Variants in ZNF676 observed in about 807,000 individuals in gnomAD.
ZNF676 encodes zinc finger protein 676.
In ZNF676, 4 loss-of-function variants were observed where a neutral mutation model predicts 6.0. That is an observed-to-expected ratio of 0.67 (90% CI 0.33 to 1.53). The LOEUF (loss-of-function observed/expected upper bound fraction) is 1.53. Ranked by LOEUF, ZNF676 falls within the 40% of genes most tolerant of loss-of-function variation. The pLI is 0.06. For missense variants in ZNF676, 644 were observed against 679.7 expected (o/e 0.95, Z 0.58); for synonymous variants, 198 against 223.1 (o/e 0.89, Z 1.00).
intron 2 of ZNF676, among the ~76,000 whole-genome samples, chr19:22,186,412 C>G (rs1396306634): frequency 6.6e-6 from 1 of 152,184 alleles, no homozygotes; most frequent in Non-Finnish European, 1.5e-5. Flanking sequence ...ACTGGTAAAC[C>G]AGCCACTGCA....
chr19:22,235,015 AGAAAGAAAGAAAG>A, the ZNF676 span, among the ~76,000 whole-genome samples: 5 of 88,448 alleles, frequency 5.7e-5, 1 homozygote, highest in South Asian at 2.0e-3. Flanking sequence ...AAAGAAAGAA[AGAAAGAAAGAAAG>A]AAAGAAAAGA....
At chr19:22,191,481 C>A (rs774056641) in intron 2 of ZNF676, among the ~76,000 whole-genome samples, 7 of 152,142 alleles carry the variant, frequency 4.6e-5, no homozygotes, top group Non-Finnish European at 8.8e-5. Context: ...GTCCCAATAG[C>A]AGTTCCATGA....
Position 22,180,472 on chromosome 19 carries a change from A to G in ZNF676, c.1245T>C (p.His415=), listed in dbSNP as rs201257480. ...CACACTTGTAGGGTTTCTCTCCAGT[A>G]TGAATTCTCTTATGTTCCATGAGCT... ...SSKLMEHKRI[H]TGEKPYKCEE... is the part of the protein sequence containing the mutation. Residue 415 remains histidine (H), a synonymous_variant, in exon 3 of 3, where the codon CAT becomes CAC. Transcript: ENST00000397121. 8 of 1,606,850 alleles carry G rather than the reference A, an allele frequency of 5.0e-6. No homozygotes were observed. The highest frequency in any genetic ancestry group is 5.9e-6 in the Non-Finnish European group (7 of 1,177,716).
chr19:22,195,627 T>C (rs1452431159), intron 1 of ZNF676, among the ~76,000 whole-genome samples: 2 of 152,202 alleles, frequency 1.3e-5, no homozygotes, highest in Admixed American at 6.5e-5. Flanking sequence ...AAATTAACAC[T>C]GAGTTATAAA....
At position 22,180,332 on chromosome 19, in the gene ZNF676, G is replaced by A; in HGVS notation, c.1385C>T (p.Ser462Leu). 4 of 1,613,994 alleles carry A rather than the reference G, an allele frequency of 2.5e-6. No homozygotes were observed. The South Asian group carries it at 3.3e-5, about 13-fold the overall frequency. Reference protein sequence around the residue: ...EECGKAFTWSSSFTKHKRIHA... With the variant: ...EECGKAFTWSLSFTKHKRIHA... ...AATTCTCTTGTGTTTAGTAAAGCTTGAGGACCAGGTGAAGGCTTTGCCACA... is the reference window on the plus strand; with the variant it reads ...AATTCTCTTGTGTTTAGTAAAGCTTAAGGACCAGGTGAAGGCTTTGCCACA... The change falls in exon 3 of 3, where the codon TCA becomes TTA. Residue 462 changes from serine (S) to leucine (L), a missense_variant. Around this residue, in one of 5 missense-constraint regions of ZNF676, gnomAD observed 306 missense variants for 265.4 expected, o/e 1.15. Coordinates refer to ENST00000397121, the MANE Select transcript of ZNF676 (RefSeq NM_001001411.3).
the ZNF676 span, among the ~76,000 whole-genome samples, chr19:22,235,117 A>AAAGC: frequency 4.2e-5 from 4 of 96,236 alleles, no homozygotes; most frequent in Non-Finnish European, 6.2e-5. Flanking sequence ...GGAAGGCAGG[A>AAAGC]AGGCAGGAAG....
At chr19:22,255,016 C>T in the ZNF676 span, among the ~76,000 whole-genome samples, 11 of 152,300 alleles carry the variant, frequency 7.2e-5, no homozygotes, top group Middle Eastern at 3.4e-3. Context: ...TGATCTGGTT[C>T]AAGGTACGAG....
chr19:22,257,427 G>A, the ZNF676 span, among the ~76,000 whole-genome samples: 2 of 152,188 alleles, frequency 1.3e-5, no homozygotes, highest in Non-Finnish European at 2.9e-5. Flanking sequence ...AGGTAAAAGA[G>A]GTGAGTCACA....
the ZNF676 span, among the ~76,000 whole-genome samples, chr19:22,236,302 G>A: frequency 2.0e-5 from 3 of 152,048 alleles, no homozygotes; most frequent in Non-Finnish European, 4.4e-5. Context: ...CTGGGGAAAT[G>A]ACCACAGAGT....
chr19:22,215,563 A>G (rs1044066077), intron 1 of ZNF676: 105 of 1,571,390 alleles, frequency 6.7e-5, no homozygotes, highest in Non-Finnish European at 8.6e-5. Context: ...GAGTCCCGCC[A>G]CAGCCACTTC....
the ZNF676 span, among the ~76,000 whole-genome samples, chr19:22,235,121 CAGGA>C: frequency 0.28 from 36,155 of 131,114 alleles, 6,230 homozygotes; most frequent in South Asian, 0.41. Flanking sequence ...GGCAGGAAGG[CAGGA>C]AGGAAGGAAG....
At chr19:22,245,236 G>T in the ZNF676 span, 1 of 152,152 alleles carries the variant, frequency 6.6e-6, no homozygotes, top group African/African-American at 2.4e-5. Context: ...GGAAGAAAAG[G>T]ATAGTCACAT....
At chr19:22,200,513 CAA>C (rs1491403452), upstream of ZNF676, among the ~76,000 whole-genome samples, 28 of 90,938 alleles carry the variant, frequency 3.1e-4, no homozygotes, top group African/African-American at 1.4e-3. Flanking sequence ...ACTGCTTCAT[CAA>C]TTTTTTTTTT....
At chr19:22,218,053 A>G (rs1335590258), upstream of ZNF676, among the ~76,000 whole-genome samples, 4 of 151,776 alleles carry the variant, frequency 2.6e-5, no homozygotes, top group South Asian at 8.3e-4. Context: ...TGTGGTTTTG[A>G]TTTGTATTTC....
At chr19:22,243,431 G>C in the ZNF676 span, 2 of 151,992 alleles carry the variant, frequency 1.3e-5, no homozygotes, top group Non-Finnish European at 2.9e-5. Context: ...AGCAGAAATT[G>C]GTAGAAGAGG....
upstream of ZNF676, among the ~76,000 whole-genome samples, chr19:22,216,090 T>C (rs2024185693): frequency 6.6e-6 from 1 of 152,216 alleles, no homozygotes; most frequent in Non-Finnish European, 1.5e-5. Context: ...TAATAATACA[T>C]AAAACTTTTG....
the ZNF676 span, among the ~76,000 whole-genome samples, chr19:22,230,603 T>C: frequency 6.6e-6 from 1 of 151,142 alleles, no homozygotes; most frequent in Admixed American, 6.6e-5. Flanking sequence ...CATATATATG[T>C]GTATATATAT....
chr19:22,247,867 G>T, the ZNF676 span, among the ~76,000 whole-genome samples: 3 of 152,066 alleles, frequency 2.0e-5, no homozygotes, highest in African/African-American at 7.2e-5. Context: ...GGAAACTTTA[G>T]GTATATCTCC....
intron 1 of ZNF676, among the ~76,000 whole-genome samples, chr19:22,209,829 C>T (rs921961354): frequency 2.0e-5 from 3 of 152,076 alleles, no homozygotes; most frequent in Admixed American, 6.6e-5. Context: ...CTGCAGATTC[C>T]GTGTCTGAAA....
Sources: gnomAD v4.1 joint callset for allele counts (sites outside exome capture counted in the v4.1 genomes callset) on GRCh38, gnomAD v4.1.1 for gene constraint, gnomAD v4.1.1 regional missense constraint, MANE v1.5 for transcripts, NCBI Gene and HGNC (gene_info 2026-07-23, HGNC 2026-07-21) for gene names.